The following DIP2C variants were observed in gnomAD, a reference collection of about 807,000 sequenced individuals.
DIP2C encodes disco-interacting protein 2 homolog C.
Under a neutral mutation model 192.4 loss-of-function variants are expected in DIP2C, and 33 were observed. That is an observed-to-expected ratio of 0.17 (90% CI 0.13 to 0.23). DIP2C has a LOEUF of 0.23. Ranked by LOEUF, DIP2C falls within the 10% of genes least tolerant of loss-of-function variation. The probability of loss-of-function intolerance (pLI) is 1.00; values close to 1 mark genes in which losing one functional copy is unlikely to be tolerated. For synonymous variants in DIP2C, 979 were observed against 864.1 expected, an observed-to-expected ratio of 1.13 and a Z score of -2.33; for missense variants, 1,537 against 2,110.1, an observed-to-expected ratio of 0.73 and a Z score of 5.32.
chr10:508,392 G>A (rs575837911), intron 1 of DIP2C, among the ~76,000 whole-genome samples: 1 of 152,234 alleles, frequency 6.6e-6, no homozygotes. Flanking sequence ...CAGCGTTAAT[G>A]CCCCCATCCT....
rs192924535 is a variant in DIP2C at position 439,341 on chromosome 10, G to A, written c.394+1530C>T. Among the ~76,000 whole-genome samples, 6 of 151,318 alleles carry A rather than the reference G, an allele frequency of 4.0e-5. No homozygotes were observed. The East Asian group carries it at 9.7e-4, about 25-fold the overall frequency. On this transcript the variant is annotated intron_variant, in intron 4 of 36. Transcript: ENST00000280886. Reference sequence around the variant, plus strand: ...CACGGCGTTCACTCCCTTGCCCACTGGCATTTGCTAGCACGGCGTTCACTC... The same window carrying A: ...CACGGCGTTCACTCCCTTGCCCACTAGCATTTGCTAGCACGGCGTTCACTC...
At position 276,132 on chromosome 10, in the gene DIP2C, T is replaced by C. The variant is rs1181597395; in HGVS notation, c.*1193A>G. On this transcript the variant is annotated 3_prime_UTR_variant, in exon 37 of 37. Transcript: ENST00000280886. ...ATGAAAAACATTGTGCAATGAATTCTTGCAGCTAAGAAAACAGTGCTATTT... is the reference window on the plus strand; with the variant it reads ...ATGAAAAACATTGTGCAATGAATTCCTGCAGCTAAGAAAACAGTGCTATTT... 1.3e-5 allele frequency: 2 copies of C among 152,696 alleles called. No individual in the cohort carries two copies. The highest frequency in any genetic ancestry group is 2.9e-5 in the Non-Finnish European group (2 of 68,050). The allele number at this position is 152,696 out of a possible 1,614,324, so 9.5% of individuals were successfully genotyped here.
chr10:299,152 C>A (rs1472433076), intron 32 of DIP2C, among the ~76,000 whole-genome samples: 1 of 152,160 alleles, frequency 6.6e-6, no homozygotes, highest in Non-Finnish European at 1.5e-5. Context: ...ACAATGTGCA[C>A]ACACAGTTTT....
chr10:380,379 CCCTGG>C (rs1962254759), intron 17 of DIP2C, among the ~76,000 whole-genome samples: 1 of 151,732 alleles, frequency 6.6e-6, no homozygotes, highest in African/African-American at 2.4e-5. Context: ...AAGAGGCTGT[CCCTGG>C]ATGATGGTTA....
At chr10:308,276 C>T (rs1056180170) in intron 32 of DIP2C, among the ~76,000 whole-genome samples, 5 of 152,062 alleles carry the variant, frequency 3.3e-5, no homozygotes, top group Non-Finnish European at 5.9e-5. Context: ...CGACGGTCAG[C>T]GGCGTGGGTG....
At chr10:399,342 G>C in intron 9 of DIP2C, 123 bp from the exon 10 acceptor site, 2 of 674,342 alleles carry the variant, frequency 3.0e-6, no homozygotes, top group Non-Finnish European at 5.2e-6. Flanking sequence ...TATGTAAAAT[G>C]CATTTCAGTA....
In DIP2C at chr10:542,739, A is replaced by C. The variant is rs1235315626; in HGVS notation, c.86-56209T>G. On this transcript the variant is annotated intron_variant, in intron 1 of 36. Coordinates refer to ENST00000280886, the MANE Select transcript of DIP2C (RefSeq NM_014974.3). ...GTCATCAGATCCCAGTTCTTATCGG[A>C]TTGGGGAGTGGGGGGTTCTGACCTT... is the stretch of plus-strand genomic sequence containing the variant. Among the ~76,000 whole-genome samples, 3 of 151,400 alleles carry C rather than the reference A, an allele frequency of 2.0e-5. No homozygotes were observed. In the East Asian group the frequency reaches 5.8e-4, roughly 29 times the overall value.
intron 1 of DIP2C, among the ~76,000 whole-genome samples, chr10:590,574 C>A (rs1588538876): frequency 6.6e-6 from 1 of 152,180 alleles, no homozygotes; most frequent in African/African-American, 2.4e-5. Flanking sequence ...CATTTCGATT[C>A]AACAAGATAA....
rs1041365610 is a variant in DIP2C, at chr10:406,599, T to C, written c.1149+2327A>G. Among the ~76,000 whole-genome samples the C allele has an allele frequency of 2.6e-5, 4 of 152,226 alleles. No homozygotes were observed. The East Asian group carries it at 7.7e-4, about 29-fold the overall frequency. On this transcript the variant is annotated intron_variant, in intron 9 of 36. Transcript: ENST00000280886. ...TCCTGGGTGGAGAACAAACTAACCTTGGGAAGGAATTCAGTTCATAGTTTG... is the reference window on the plus strand; with the variant it reads ...TCCTGGGTGGAGAACAAACTAACCTCGGGAAGGAATTCAGTTCATAGTTTG...
At chr10:661,975 A>G in intron 1 of DIP2C, 1 of 707,340 alleles carries the variant, frequency 1.4e-6, no homozygotes, top group South Asian at 1.5e-5. Context: ...TGAATCGCTC[A>G]GCTCACTGGC....
chr10:453,217 C>T (rs1451038942), intron 3 of DIP2C, among the ~76,000 whole-genome samples: 1 of 152,184 alleles, frequency 6.6e-6, no homozygotes, highest in Non-Finnish European at 1.5e-5. Context: ...ATCAAGCGTC[C>T]TCCAAAGCCT....
chr10:570,675 T>C (rs550637405), intron 1 of DIP2C, among the ~76,000 whole-genome samples: 5 of 152,268 alleles, frequency 3.3e-5, no homozygotes, highest in Admixed American at 3.3e-4. Context: ...TCTCACGTAT[T>C]CCTGTGTAGC....
At chr10:423,226 C>T (rs1465228946) in intron 4 of DIP2C, among the ~76,000 whole-genome samples, 193 bp from the exon 5 acceptor site, 1 of 152,170 alleles carries the variant, frequency 6.6e-6, no homozygotes, top group East Asian at 1.9e-4. Context: ...GTTTTTCATC[C>T]AACACACCTT....
intron 1 of DIP2C, among the ~76,000 whole-genome samples, chr10:603,305 AAAAAAAAAAAAAAAAAAAAAAAAAAAAAC>A (rs1320915114): frequency 7.5e-5 from 6 of 79,702 alleles, no homozygotes; most frequent in African/African-American, 2.5e-4. Flanking sequence ...TCTCAAAAAA[AAAAAAAAAAAAAAAAAAAAAAAAAAAAAC>A]CAACCATGAG....
intron 6 of DIP2C, among the ~76,000 whole-genome samples, chr10:417,609 CCT>C (rs2133120353): frequency 1.3e-5 from 2 of 149,356 alleles, no homozygotes; most frequent in African/African-American, 5.0e-5. Context: ...GATAGGCATC[CCT>C]GTCTGCCTGC....
intron 29 of DIP2C, among the ~76,000 whole-genome samples, chr10:339,640 G>C (rs189042740): frequency 6.6e-6 from 1 of 152,020 alleles, no homozygotes; most frequent in Non-Finnish European, 1.5e-5. Flanking sequence ...GACCTCTGCC[G>C]TTCAGCTTGG....
chr10:433,016 G>C (rs1966890951), intron 4 of DIP2C, among the ~76,000 whole-genome samples: 1 of 152,076 alleles, frequency 6.6e-6, no homozygotes, highest in Non-Finnish European at 1.5e-5. Context: ...ATTTGTTAAG[G>C]TGTGTTTTAT....
chr10:312,082 T>G (rs894035580), intron 31 of DIP2C, among the ~76,000 whole-genome samples: 1 of 152,194 alleles, frequency 6.6e-6, no homozygotes, highest in Non-Finnish European at 1.5e-5. Flanking sequence ...GAGGCCAACA[T>G]GCATCTGAAG....
At chr10:466,125 C>G (rs1051386384) in intron 3 of DIP2C, among the ~76,000 whole-genome samples, 1 of 148,086 alleles carries the variant, frequency 6.8e-6, no homozygotes, top group Non-Finnish European at 1.5e-5. Context: ...ATCACACTAC[C>G]TGACTTCAAA....
Sources: gnomAD v4.1 joint callset for allele counts (sites outside exome capture counted in the v4.1 genomes callset) on GRCh38, gnomAD v4.1.1 for gene constraint, MANE v1.5 for transcripts, NCBI Gene and HGNC (gene_info 2026-07-23, HGNC 2026-07-21) for gene names.